The following SPATA16 variants were observed in gnomAD, a reference collection of about 807,000 sequenced individuals.
The protein encoded by SPATA16 is spermatogenesis associated 16.
A neutral mutation model predicts 63.3 loss-of-function variants in SPATA16; 36 were observed. The ratio of observed to expected loss-of-function variants is 0.57; its 90% CI spans 0.44 to 0.75. The LOEUF (loss-of-function observed/expected upper bound fraction) is 0.75, where lower values mean the gene tolerates loss of function less well. SPATA16 is among the 30% of genes least tolerant of loss of function. The pLI is 0.00. For missense variants in SPATA16, 646 were observed against 679.3 expected (o/e 0.95, Z 0.54); for synonymous variants, 203 against 216.7 (o/e 0.94, Z 0.56).
At position 172,932,443 on chromosome 3, in the gene SPATA16, G is replaced by A. The variant is rs188529925; in HGVS notation, c.1082-6951C>T. Among the ~76,000 whole-genome samples the A allele has an allele frequency of 1.2e-3, 183 of 152,234 alleles. 1 individual carries two copies. The highest frequency in any genetic ancestry group is 4.0e-3 in the African/African-American group (168 of 41,538). The stretch of plus-strand genomic sequence containing the variant: ...GGTCCTGATTGTTTAGTGTGAGATA[G>A]GACCATGTAAGTTTTATATGACTCC... On this transcript the variant is annotated intron_variant, in intron 6 of 10. Transcript: ENST00000351008.
chr3:173,026,370 T>C (rs1735454095), intron 3 of SPATA16, among the ~76,000 whole-genome samples: 1 of 151,972 alleles, frequency 6.6e-6, no homozygotes, highest in South Asian at 2.1e-4. Context: ...CACATATTTT[T>C]CTCTGAGTCT....
chr3:173,137,453 C>G (rs545613811), intron 1 of SPATA16, among the ~76,000 whole-genome samples: 91 of 152,238 alleles, frequency 6.0e-4, no homozygotes, highest in African/African-American at 2.2e-3. Flanking sequence ...TCTATAACAA[C>G]AGAGTCACAG....
chr3:173,139,360 CTATAA>C (rs1364555366), intron 1 of SPATA16, among the ~76,000 whole-genome samples: 1 of 152,114 alleles, frequency 6.6e-6, no homozygotes, highest in Non-Finnish European at 1.5e-5. Flanking sequence ...AGCTAGACTG[CTATAA>C]TATTTTATTT....
intron 8 of SPATA16, among the ~76,000 whole-genome samples, chr3:172,923,134 G>A (rs1345155331): frequency 6.6e-6 from 1 of 152,110 alleles, no homozygotes; most frequent in East Asian, 1.9e-4. Context: ...CTGATGATGA[G>A]GGTAATGATG....
At chr3:173,039,522 A>C (rs926992402) in intron 3 of SPATA16, among the ~76,000 whole-genome samples, 1 of 152,190 alleles carries the variant, frequency 6.6e-6, no homozygotes, top group East Asian at 1.9e-4. Flanking sequence ...GCATTGTTTC[A>C]TAACAATACC....
chr3:172,958,073 A>C (rs1733642528), intron 5 of SPATA16, among the ~76,000 whole-genome samples: 1 of 152,244 alleles, frequency 6.6e-6, no homozygotes, highest in Admixed American at 6.5e-5. Flanking sequence ...GAATGCTAGA[A>C]CTTGCATGGC....
At chr3:173,084,490 T>C (rs929414638) in intron 2 of SPATA16, among the ~76,000 whole-genome samples, 2 of 152,210 alleles carry the variant, frequency 1.3e-5, no homozygotes, top group Admixed American at 1.3e-4. Context: ...CTGATGATAG[T>C]TTCTTTTGCT....
rs147546751 is a variant in SPATA16, at chr3:172,918,485, C to T, written c.1339-2004G>A. ...TGACTGCTAATAGTCACCCCTCCTC[C>T]CCCCGAAGCCAAATGCAGTTTTGGT... On this transcript the variant is annotated intron_variant, in intron 8 of 10. Transcript: ENST00000351008. Among the ~76,000 whole-genome samples, 1,293 of 152,148 alleles carry T rather than the reference C, an allele frequency of 8.5e-3. 7 individuals carry two copies. Among genetic ancestry groups the T allele is most frequent in the Middle Eastern group, 0.027 (8 of 294 alleles).
chr3:172,962,890 C>T (rs1002124371), intron 5 of SPATA16, among the ~76,000 whole-genome samples: 10 of 151,976 alleles, frequency 6.6e-5, no homozygotes, highest in African/African-American at 1.4e-4. Flanking sequence ...TTGTGAGCTA[C>T]GTTTTTCAAA....
intron 2 of SPATA16, among the ~76,000 whole-genome samples, chr3:173,095,056 T>G (rs1180649094): frequency 6.6e-6 from 1 of 152,186 alleles, no homozygotes; most frequent in Non-Finnish European, 1.5e-5. Context: ...ACTACATATT[T>G]GGAAACAGAT....
intron 5 of SPATA16, among the ~76,000 whole-genome samples, chr3:172,973,502 C>T (rs550732411): frequency 6.6e-6 from 1 of 152,214 alleles, no homozygotes; most frequent in African/African-American, 2.4e-5. Context: ...CACCGCAGAC[C>T]AGGGTTGGCT....
At chr3:172,903,006 A>G (rs776542533) in intron 10 of SPATA16, among the ~76,000 whole-genome samples, 11 of 152,224 alleles carry the variant, frequency 7.2e-5, no homozygotes, top group Middle Eastern at 3.2e-3. Flanking sequence ...CTACAAGTCA[A>G]TTGCTCTGAA....
chr3:173,002,878 A>G (rs1302660994), intron 4 of SPATA16, among the ~76,000 whole-genome samples: 1 of 152,226 alleles, frequency 6.6e-6, no homozygotes, highest in Non-Finnish European at 1.5e-5. Flanking sequence ...TTGATAGCAG[A>G]TTCCTAGCTC....
chr3:172,992,760 T>C (rs1237039023), intron 4 of SPATA16, among the ~76,000 whole-genome samples: 2 of 152,024 alleles, frequency 1.3e-5, no homozygotes, highest in East Asian at 3.9e-4. Flanking sequence ...CCAAATGGGA[T>C]CCATTTTCGC....
intron 2 of SPATA16, among the ~76,000 whole-genome samples, chr3:173,068,203 A>G (rs1736570226): frequency 6.6e-6 from 1 of 152,222 alleles, no homozygotes; most frequent in Admixed American, 6.5e-5. Context: ...ATACTCTAAC[A>G]CTGTAATTGC....
chr3:173,028,551 T>C (rs140609426), intron 3 of SPATA16, among the ~76,000 whole-genome samples: 2 of 151,950 alleles, frequency 1.3e-5, no homozygotes, highest in African/African-American at 4.8e-5. Context: ...ATATCACTGA[T>C]GACGTAAGCA....
At chr3:173,137,116 C>G (rs1738567077) in intron 1 of SPATA16, among the ~76,000 whole-genome samples, 1 of 152,158 alleles carries the variant, frequency 6.6e-6, no homozygotes, top group Non-Finnish European at 1.5e-5. Flanking sequence ...ATAAATCTGC[C>G]TCTGCCATCA....
intron 10 of SPATA16, among the ~76,000 whole-genome samples, chr3:172,902,744 C>T (rs979869151): frequency 8.5e-5 from 13 of 152,176 alleles, no homozygotes; most frequent in African/African-American, 1.9e-4. Flanking sequence ...AAAGTCATTT[C>T]GGTAGAGTAC....
chr3:173,075,242 TA>T lies in SPATA16; in HGVS notation c.613-26149del, dbSNP rs531634838. Among the ~76,000 whole-genome samples the T allele has an allele frequency of 1.1e-4, 16 of 150,688 alleles. No homozygotes were observed. The East Asian group carries it at 2.5e-3, about 24-fold the overall frequency. On this transcript the variant is annotated intron_variant, in intron 2 of 10. Transcript: ENST00000351008. ...AATTTTTAAAAATAAAATGAGAAAA[TA>T]AAATGGCTTTTATTAAAAATACAGT...
Sources: allele counts gnomAD v4.1 joint callset (sites outside exome capture counted in the v4.1 genomes callset), GRCh38; gene constraint gnomAD v4.1.1; transcripts MANE v1.5; gene names NCBI Gene and HGNC (gene_info 2026-07-23, HGNC 2026-07-21).